The following BANP variants were observed in gnomAD, a reference collection of about 807,000 sequenced individuals.
The protein encoded by BANP is BTG3 associated nuclear protein, also known as protein BANP.
A neutral mutation model predicts 68.1 loss-of-function variants in BANP; 11 were observed. The ratio of observed to expected loss-of-function variants is 0.16; its 90% CI spans 0.10 to 0.27. BANP has a LOEUF of 0.27. Ranked by LOEUF, BANP falls within the 10% of genes least tolerant of loss-of-function variation. BANP has a pLI of 1.00. For synonymous variants in BANP, 329 were observed against 303.2 expected (o/e 1.09, Z -0.88); for missense variants, 504 against 722.7 (o/e 0.70, Z 3.47).
chr16:87,997,179 G>C (rs2067484897), intron 4 of BANP, among the ~76,000 whole-genome samples: 1 of 152,204 alleles, frequency 6.6e-6, no homozygotes, highest in African/African-American at 2.4e-5. Flanking sequence ...GGCTGGTCTT[G>C]AACTCCTGGG....
chr16:88,052,677 T>G (rs1214280237), intron 11 of BANP, among the ~76,000 whole-genome samples: 2 of 151,732 alleles, frequency 1.3e-5, no homozygotes, highest in East Asian at 3.9e-4. Flanking sequence ...TAACAACTGC[T>G]ATCACCACCA....
intron 11 of BANP, among the ~76,000 whole-genome samples, chr16:88,045,480 C>G (rs2081803073): frequency 6.6e-6 from 1 of 152,244 alleles, no homozygotes; most frequent in Non-Finnish European, 1.5e-5. Context: ...GGCCAGAGCC[C>G]AGGCTCTTCC....
chr16:88,074,461 A>C (rs1407058127), intron 13 of BANP, among the ~76,000 whole-genome samples: 6 of 152,002 alleles, frequency 3.9e-5, no homozygotes, highest in African/African-American at 1.2e-4. Flanking sequence ...AGGGGAAGAC[A>C]CTTGTCTTAA....
chr16:87,979,476 A>G, intron 2 of BANP, among the ~76,000 whole-genome samples: 1 of 137,842 alleles, frequency 7.3e-6, no homozygotes. Context: ...GCGGCATTTG[A>G]GTGGGGCTGG....
At chr16:88,066,348 G>T (rs2088599169) in intron 12 of BANP, among the ~76,000 whole-genome samples, 1 of 152,178 alleles carries the variant, frequency 6.6e-6, no homozygotes, top group Non-Finnish European at 1.5e-5. Context: ...ATTTTACTTT[G>T]AGTGAAACTC....
chr16:87,965,187 A>G lies in BANP; in HGVS notation c.-68-9861A>G, dbSNP rs143740230. ...GGAGTGGGGGCCAGGCAGGGAGGAC[A>G]GCGTGGGGAGGAGCCGGAATGAGCC... is the stretch of plus-strand genomic sequence containing the variant. On this transcript the variant is annotated intron_variant, in intron 1 of 13. Coordinates refer to ENST00000682872, the MANE Select transcript of BANP (RefSeq NM_001386991.1). 2.5e-3 allele frequency among the ~76,000 whole-genome samples: 378 copies of G among 152,240 alleles called. 1 individual carries two copies. Among genetic ancestry groups the G allele is most frequent in the African/African-American group, 8.7e-3 (361 of 41,530 alleles).
chr16:88,027,639 A>T lies in BANP; in HGVS notation c.1052A>T (p.Tyr351Phe), dbSNP rs1324770142. The change falls in exon 8 of 14, where the codon TAC becomes TTC. Residue 351 changes from tyrosine (Y) to phenylalanine (F), a missense_variant. Tyr to Phe is a conservative substitution (Grantham distance 22). This residue lies in a region of BANP where 223 missense variants were observed against 246.2 expected (regional missense o/e 0.91). Coordinates refer to ENST00000682872, the MANE Select transcript of BANP (RefSeq NM_001386991.1). ...CGGAGAACGCCCAACTCGTCCTCCT[A>T]CTGCCCTTCAGGTAGGCCTCGTGCT... ...FSRRTPNSSS[Y>F]CPSEPMMSTP... 2.5e-6 allele frequency: 4 copies of T among 1,613,244 alleles called. No homozygotes were observed. In the African/African-American group the frequency reaches 5.3e-5, roughly 22 times the overall value.
chr16:88,033,180 T>C lies in BANP; in HGVS notation c.1135T>C (p.Tyr379His), dbSNP rs1175992667. The C allele has an allele frequency of 6.2e-7, 1 of 1,611,722 alleles. No homozygotes were observed. Among genetic ancestry groups the C allele is most frequent in the Admixed American group, 1.7e-5 (1 of 59,972 alleles). Residue 379 changes from tyrosine (Y) to histidine (H), a missense_variant, in exon 9 of 14, where the codon TAC becomes CAC. Tyr to His is a moderately conservative substitution (Grantham distance 83). Transcript: ENST00000682872. ...QPQPQPQALHYALANAQQVQI... is the reference protein window; with the variant it reads ...QPQPQPQALHHALANAQQVQI... ...ACAGCCGCAGCCGCAGGCCCTGCACTACGCGCTGGCCAACGCACAGCAGGT... is the reference window on the plus strand; with the variant it reads ...ACAGCCGCAGCCGCAGGCCCTGCACCACGCGCTGGCCAACGCACAGCAGGT...
chr16:87,954,835 G>T (rs888592989), intron 1 of BANP, among the ~76,000 whole-genome samples: 1 of 152,228 alleles, frequency 6.6e-6, no homozygotes, highest in Non-Finnish European at 1.5e-5. Flanking sequence ...GAGGTCACCC[G>T]TACGGCCAGT....
At chr16:88,052,206 C>G (rs868268840) in intron 11 of BANP, among the ~76,000 whole-genome samples, 18 of 152,180 alleles carry the variant, frequency 1.2e-4, no homozygotes, top group South Asian at 8.3e-4. Flanking sequence ...CACTTCAGCT[C>G]AAATGTAGCA....
intron 1 of BANP, among the ~76,000 whole-genome samples, chr16:87,971,234 T>C (rs1391741909): frequency 1.5e-5 from 2 of 133,958 alleles, no homozygotes; most frequent in Non-Finnish European, 3.5e-5. Context: ...AGCAGTTACA[T>C]TGTGTCTGCG....
At chr16:88,030,539 G>C (rs538845989) in intron 8 of BANP, among the ~76,000 whole-genome samples, 192 of 152,342 alleles carry the variant, frequency 1.3e-3, no homozygotes, top group African/African-American at 4.1e-3. Flanking sequence ...TGAGCAAGAA[G>C]CTGCTGTTAT....
In BANP at chr16:88,002,246, T is replaced by C. The variant is rs1216467667; in HGVS notation, c.363-2049T>C. Among the ~76,000 whole-genome samples the C allele has an allele frequency of 6.6e-6, 1 of 152,046 alleles. No homozygotes were observed. The highest frequency in any genetic ancestry group is 1.5e-5 in the Non-Finnish European group (1 of 67,988). ...GGAAGGAGTCCTTGGCTTCTTTGAG[T>C]TGTGTGCCAGGGGTCTCAGTGGTCT... On this transcript the variant is annotated intron_variant, in intron 4 of 13. Coordinates refer to ENST00000682872, the MANE Select transcript of BANP (RefSeq NM_001386991.1). This position sits in a 1 kb window ranked among gnomAD's most constrained non-coding sequence, Gnocchi z 4.6.
chr16:88,013,928 T>A (rs1282803980), intron 6 of BANP, among the ~76,000 whole-genome samples: 2 of 152,062 alleles, frequency 1.3e-5, no homozygotes, highest in African/African-American at 4.8e-5. Flanking sequence ...ACCGGTAGAC[T>A]GGGGTGGGTC....
chr16:87,959,672 C>T (rs898316424), intron 1 of BANP, among the ~76,000 whole-genome samples: 9 of 152,094 alleles, frequency 5.9e-5, no homozygotes, highest in African/African-American at 1.2e-4. Flanking sequence ...GACAAAGAGA[C>T]GGCCAGATCG....
intron 7 of BANP, among the ~76,000 whole-genome samples, chr16:88,019,035 T>A (rs79731647): frequency 1.1e-4 from 2 of 18,228 alleles, no homozygotes; most frequent in Admixed American, 4.7e-4. Context: ...CAGGCCCCCC[T>A]GAGCCTCTCC....
chr16:88,070,602 G>A (rs934527683), intron 12 of BANP, among the ~76,000 whole-genome samples: 1 of 152,112 alleles, frequency 6.6e-6, no homozygotes, highest in Non-Finnish European at 1.5e-5. Flanking sequence ...AGGGGGGATG[G>A]GTTTTCAGCT....
rs2075097358 is a variant in BANP at position 88,018,391 on chromosome 16, G to A, written c.656-37G>A. The A allele has an allele frequency of 6.3e-7, 1 of 1,591,304 alleles. No individual in the cohort carries two copies. The highest frequency in any genetic ancestry group is 1.1e-5 in the South Asian group (1 of 88,048). ...CTGTCCTGAATGTGAGCTTATTTGA[G>A]CCTTGGCCATCTGAGGACCTGTCTT... On this transcript the variant is annotated intron_variant, in intron 6 of 13. Transcript: ENST00000682872. This position sits in a 1 kb window ranked among gnomAD's most constrained non-coding sequence, Gnocchi z 7.7.
intron 11 of BANP, among the ~76,000 whole-genome samples, chr16:88,060,375 G>A (rs1211486619): frequency 6.6e-6 from 1 of 152,148 alleles, no homozygotes; most frequent in Non-Finnish European, 1.5e-5. Context: ...CCCACCCTCT[G>A]TTTAAAAGCC....
Sources: allele counts gnomAD v4.1 joint callset (sites outside exome capture counted in the v4.1 genomes callset), GRCh38; gene constraint gnomAD v4.1.1; regional missense constraint gnomAD v4.1.1; non-coding constraint Gnocchi (gnomAD v3.1); transcripts MANE v1.5; gene names NCBI Gene and HGNC (gene_info 2026-07-23, HGNC 2026-07-21).